The following XPNPEP1 variants were observed in gnomAD, a reference collection of about 807,000 sequenced individuals.
XPNPEP1 encodes the protein xaa-Pro aminopeptidase 1.
XPNPEP1 carries 39 observed loss-of-function variants against 92.4 expected under a neutral mutation model. That is an observed-to-expected ratio of 0.42 (90% CI 0.33 to 0.55). The LOEUF (loss-of-function observed/expected upper bound fraction) is 0.55. Ranked by LOEUF, XPNPEP1 falls within the 20% of genes least tolerant of loss-of-function variation. The pLI is 0.08. For missense variants in XPNPEP1, 654 were observed against 856.1 expected (o/e 0.76, Z 2.95); for synonymous variants, 307 against 299.4 (o/e 1.03, Z -0.26).
At position 109,867,205 on chromosome 10, in the gene XPNPEP1, T is replaced by C. The variant is rs956974866; in HGVS notation, c.1872+1409A>G. Among the ~76,000 whole-genome samples the C allele has an allele frequency of 3.3e-5, 5 of 152,172 alleles. No homozygotes were observed. Among genetic ancestry groups the C allele is most frequent in the Admixed American group, 1.3e-4 (2 of 15,282 alleles). On this transcript the variant is annotated intron_variant, in intron 20 of 20. Coordinates refer to ENST00000502935, the MANE Select transcript of XPNPEP1 (RefSeq NM_020383.4). This position sits in a 1 kb window ranked among gnomAD's most constrained non-coding sequence, Gnocchi z 4.5. Reference sequence around the variant, plus strand: ...CACTGGTTCCTATGGGGCAGAGGGATTCTAAGCAGGGTGGGTCCCATGCCC... The same window carrying C: ...CACTGGTTCCTATGGGGCAGAGGGACTCTAAGCAGGGTGGGTCCCATGCCC...
intron 19 of XPNPEP1, among the ~76,000 whole-genome samples, chr10:109,869,273 T>A (rs1373219858): frequency 6.6e-6 from 1 of 152,200 alleles, no homozygotes; most frequent in Admixed American, 6.5e-5. Flanking sequence ...TCCCCGCAGT[T>A]AACCTCCTTG....
At chr10:109,868,458 G>C (rs1847262892) in intron 20 of XPNPEP1, among the ~76,000 whole-genome samples, 156 bp downstream of exon 20, 2 of 151,942 alleles carry the variant, frequency 1.3e-5, no homozygotes, top group Admixed American at 1.3e-4. Flanking sequence ...AGAAAACCTA[G>C]GGCTTTCAGA....
intron 7 of XPNPEP1, 113 bp from the exon 8 acceptor site, chr10:109,886,454 C>T (rs1422566109): frequency 2.5e-5 from 24 of 971,172 alleles, no homozygotes; most frequent in African/African-American, 6.5e-5. Flanking sequence ...TACAGGAGCA[C>T]GCTACTTAAA....
intron 1 of XPNPEP1, among the ~76,000 whole-genome samples, chr10:109,921,003 C>A (rs1158139247): frequency 6.6e-6 from 1 of 152,218 alleles, no homozygotes; most frequent in Non-Finnish European, 1.5e-5. Context: ...AACACCTCCA[C>A]CTTTCTGTCA....
At chr10:109,880,360 C>G in intron 11 of XPNPEP1, 122 bp from the exon 12 acceptor site, 1 of 970,156 alleles carries the variant, frequency 1.0e-6, no homozygotes, top group South Asian at 1.4e-5. Flanking sequence ...CATCAGCAAC[C>G]AGAGCTTTAC....
At chr10:109,870,695 G>C in intron 18 of XPNPEP1, 36 bp downstream of exon 18, 1 of 1,576,484 alleles carries the variant, frequency 6.3e-7, no homozygotes, top group Non-Finnish European at 8.6e-7. Flanking sequence ...AAAGGCTCAA[G>C]GATCCACGCA....
intron 2 of XPNPEP1, 32 bp downstream of exon 2, chr10:109,914,979 T>C (rs922478325): frequency 2.1e-6 from 3 of 1,428,084 alleles, no homozygotes; most frequent in East Asian, 2.5e-5. Flanking sequence ...CCTTTACAGA[T>C]GTTCCATCTA....
intron 2 of XPNPEP1, among the ~76,000 whole-genome samples, chr10:109,914,450 A>G (rs991600463): frequency 3.9e-5 from 6 of 152,266 alleles, no homozygotes; most frequent in Admixed American, 2.6e-4. Flanking sequence ...TGGAAAACGA[A>G]AAAAACAAAC....
intron 8 of XPNPEP1, 66 bp downstream of exon 8, chr10:109,886,180 C>T: frequency 6.5e-7 from 1 of 1,527,562 alleles, no homozygotes; most frequent in Non-Finnish European, 9.0e-7. Flanking sequence ...CATGAACACA[C>T]AGATACCCAG....
chr10:109,907,579 G>A (rs1383278960), intron 3 of XPNPEP1, 112 bp downstream of exon 3: 1 of 1,500,558 alleles, frequency 6.7e-7, no homozygotes, highest in Non-Finnish European at 9.0e-7. Context: ...GCAAGCCCTG[G>A]AAGGGCTTGG....
chr10:109,869,892 G>T (rs1847354503), intron 19 of XPNPEP1, 61 bp downstream of exon 19: 1 of 1,538,560 alleles, frequency 6.5e-7, no homozygotes, highest in Non-Finnish European at 9.0e-7. Flanking sequence ...AGCCAATGAG[G>T]TCTATCCGAG....
At chr10:109,907,940 T>C in intron 2 of XPNPEP1, 125 bp from the exon 3 acceptor site, 1 of 1,408,698 alleles carries the variant, frequency 7.1e-7, no homozygotes, top group Non-Finnish European at 9.6e-7. Flanking sequence ...GGTCTTCAAA[T>C]TGATCACTCC....
At position 109,875,536 on chromosome 10, in the gene XPNPEP1, A is replaced by G; in HGVS notation, c.1383T>C (p.Ala461=). The G allele has an allele frequency of 6.2e-7, 1 of 1,614,088 alleles. No individual in the cohort carries two copies. Among genetic ancestry groups the G allele is most frequent in the East Asian group, 2.2e-5 (1 of 44,872 alleles). ...LDEVYLIDSG[A]QYKDGTTDVT... Reference sequence around the variant, plus strand: ...AGTCCTGGTTTACTTACTTGTATTGAGCACCCGAGTCAATAAGGTACACCT... The same window carrying G: ...AGTCCTGGTTTACTTACTTGTATTGGGCACCCGAGTCAATAAGGTACACCT... The change falls in exon 15 of 21, where the codon GCT becomes GCC. Residue 461 remains alanine (A), a synonymous_variant. Coordinates refer to ENST00000502935, the MANE Select transcript of XPNPEP1 (RefSeq NM_020383.4).
chr10:109,877,922 T>C, intron 13 of XPNPEP1, 55 bp from the exon 14 acceptor site: 1 of 1,614,160 alleles, frequency 6.2e-7, no homozygotes, highest in Non-Finnish European at 8.5e-7. Flanking sequence ...TGTGCTAAGA[T>C]TCAGGGCCCT....
intron 3 of XPNPEP1, among the ~76,000 whole-genome samples, chr10:109,894,594 C>T (rs537995417): frequency 1.3e-5 from 2 of 151,490 alleles, no homozygotes; most frequent in South Asian, 2.1e-4. Context: ...ACCAAGGCAC[C>T]GGCAATCACA....
intron 3 of XPNPEP1, among the ~76,000 whole-genome samples, chr10:109,903,460 G>A (rs1040723309): frequency 5.9e-5 from 9 of 152,224 alleles, no homozygotes; most frequent in African/African-American, 1.7e-4. Context: ...CTCCAGTTGC[G>A]GGAACCACCA....
rs1242619273 is a variant in XPNPEP1, at chr10:109,867,023, T to A, written c.1872+1591A>T. Among the ~76,000 whole-genome samples the A allele has an allele frequency of 2.6e-5, 4 of 152,250 alleles. No individual in the cohort carries two copies. The East Asian group carries it at 5.8e-4, about 22-fold the overall frequency. ...AATGTCATATGGGAGAAATGCCTCC[T>A]GATGGGTACACTTTATGTGGACAGG... On this transcript the variant is annotated intron_variant, in intron 20 of 20. Coordinates refer to ENST00000502935, the MANE Select transcript of XPNPEP1 (RefSeq NM_020383.4). This position sits in a 1 kb window ranked among gnomAD's most constrained non-coding sequence, Gnocchi z 4.5.
chr10:109,871,171 G>A, intron 17 of XPNPEP1: 2 of 339,188 alleles, frequency 5.9e-6, no homozygotes, highest in Non-Finnish European at 1.1e-5. Context: ...ATCAGACATG[G>A]ACGTTCCCTT....
Position 109,877,425 on chromosome 10 carries a change from C to T in XPNPEP1, c.1319+365G>A, listed in dbSNP as rs536974075. 1.7e-4 allele frequency: 34 copies of T among 204,916 alleles called. No individual in the cohort carries two copies. The East Asian group carries it at 3.7e-3, about 22-fold the overall frequency. 12.7% of individuals were successfully genotyped at this position (204,916 alleles called of 1,614,324 possible). Reference sequence around the variant, plus strand: ...AAGTTGCAGTGAGTTGTGATGGCACCACTGCGCTCCAGCCTGGGCAGCAGA... The same window carrying T: ...AAGTTGCAGTGAGTTGTGATGGCACTACTGCGCTCCAGCCTGGGCAGCAGA... On this transcript the variant is annotated intron_variant, in intron 14 of 20. Coordinates refer to ENST00000502935, the MANE Select transcript of XPNPEP1 (RefSeq NM_020383.4).
Sources: gnomAD v4.1 joint callset for allele counts (sites outside exome capture counted in the v4.1 genomes callset) on GRCh38, gnomAD v4.1.1 for gene constraint, Gnocchi (gnomAD v3.1) non-coding constraint, MANE v1.5 for transcripts, NCBI Gene and HGNC (gene_info 2026-07-23, HGNC 2026-07-21) for gene names.